The following HSF2BP variants were observed in gnomAD, a reference collection of about 807,000 sequenced individuals.
HSF2BP encodes the protein heat shock factor 2-binding protein.
A neutral mutation model predicts 35.0 loss-of-function variants in HSF2BP; 35 were observed. The ratio of observed to expected loss-of-function variants is 1.00; its 90% confidence interval spans 0.76 to 1.32. The LOEUF (loss-of-function observed/expected upper bound fraction) is 1.32. Ranked by LOEUF, HSF2BP falls within the 40% of genes most tolerant of loss-of-function variation. The pLI, the probability that HSF2BP is intolerant of heterozygous loss-of-function variation, is 0.00. For missense variants in HSF2BP, 326 were observed against 321.7 expected, an observed-to-expected ratio of 1.01 and a Z score of -0.10; for synonymous variants, 114 against 117.4, an observed-to-expected ratio of 0.97 and a Z score of 0.18.
rs1568945185 is a variant in HSF2BP at position 43,653,180 on chromosome 21, A to AG, written c.187+3406_187+3407insC. On this transcript the variant is annotated intron_variant, in intron 3 of 8. Transcript: ENST00000291560. ...GAGACACAGAGAGAGAGAGAGAGAG[A>AG]AAAGGGAAAGGAAGGGAAGGGGAAG... Among the ~76,000 whole-genome samples the AG allele has an allele frequency of 2.2e-3, 298 of 134,714 alleles. 3 individuals carry two copies. The Middle Eastern group carries it at 0.035, about 16-fold the overall frequency. 88.4% of individuals were successfully genotyped at this position (134,714 alleles called of 152,430 possible).
intron 8 of HSF2BP, among the ~76,000 whole-genome samples, chr21:43,574,575 T>C (rs1346181196): frequency 6.6e-6 from 1 of 152,166 alleles, no homozygotes; most frequent in Non-Finnish European, 1.5e-5. Context: ...GCCAGGATGG[T>C]CTCGATCTCC....
intron 6 of HSF2BP, among the ~76,000 whole-genome samples, chr21:43,615,478 G>A (rs965928369): frequency 2.0e-5 from 3 of 152,120 alleles, no homozygotes; most frequent in African/African-American, 7.2e-5. Context: ...TCAGATCTTT[G>A]ACATTACTAT....
At chr21:43,636,213 G>A (rs1237030013) in intron 4 of HSF2BP, among the ~76,000 whole-genome samples, 1 of 19,514 alleles carries the variant, frequency 5.1e-5, no homozygotes, top group Non-Finnish European at 7.9e-5. Flanking sequence ...AGAAAGAAAA[G>A]AAAAGAAAAG....
chr21:43,576,838 CTTA>C lies in HSF2BP; in HGVS notation c.796+15384_796+15386del, dbSNP rs751814966. Among the ~76,000 whole-genome samples, 303 of 152,272 alleles carry C rather than the reference CTTA, an allele frequency of 2.0e-3. 2 individuals carry two copies. The highest frequency in any genetic ancestry group is 7.4e-4 in the Non-Finnish European group (50 of 68,024). ...CAGACATCCTCAATTCCCAATTTCA[CTTA>C]TTATTAATAACAGCTATCATTATTA... On this transcript the variant is annotated intron_variant, in intron 8 of 8. Transcript: ENST00000291560.
At chr21:43,604,891 CCACACACAT>C (rs1291274395) in intron 7 of HSF2BP, among the ~76,000 whole-genome samples, 2 of 139,752 alleles carry the variant, frequency 1.4e-5, no homozygotes, top group African/African-American at 5.4e-5. Flanking sequence ...ACACTACACA[CCACACACAT>C]CACACACACA....
chr21:43,637,567 C>T (rs2147050160), intron 4 of HSF2BP, among the ~76,000 whole-genome samples: 1 of 151,838 alleles, frequency 6.6e-6, no homozygotes, highest in African/African-American at 2.4e-5. Flanking sequence ...TTTTAAGGAA[C>T]CAAGGTGGGA....
At chr21:43,640,034 G>C (rs939245610) in intron 4 of HSF2BP, among the ~76,000 whole-genome samples, 4 of 152,196 alleles carry the variant, frequency 2.6e-5, no homozygotes, top group African/African-American at 9.7e-5. Flanking sequence ...GGCACCCATG[G>C]CTCATGCCTG....
chr21:43,577,176 G>A (rs1223033088), intron 8 of HSF2BP, among the ~76,000 whole-genome samples: 1 of 152,122 alleles, frequency 6.6e-6, no homozygotes, highest in African/African-American at 2.4e-5. Flanking sequence ...TTTGCATTTG[G>A]TGTCTTCACA....
At chr21:43,637,807 G>GAAA (rs58493445) in intron 4 of HSF2BP, among the ~76,000 whole-genome samples, 4 of 144,616 alleles carry the variant, frequency 2.8e-5, no homozygotes, top group Admixed American at 2.1e-4. Context: ...CCTGTCTCTG[G>GAAA]AAAAAAAAAA....
chr21:43,591,356 C>G (rs1263135750), intron 8 of HSF2BP, among the ~76,000 whole-genome samples: 1 of 152,178 alleles, frequency 6.6e-6, no homozygotes, highest in African/African-American at 2.4e-5. Flanking sequence ...TGGGTCTTCT[C>G]TTTTATCTGA....
At chr21:43,606,739 C>T (rs2082139862) in intron 7 of HSF2BP, among the ~76,000 whole-genome samples, 1 of 152,136 alleles carries the variant, frequency 6.6e-6, no homozygotes, top group South Asian at 2.1e-4. Context: ...CAAGCCAGTA[C>T]TCAGTGAACA....
At chr21:43,606,088 A>T (rs950032521) in intron 7 of HSF2BP, among the ~76,000 whole-genome samples, 3 of 152,236 alleles carry the variant, frequency 2.0e-5, no homozygotes, top group Non-Finnish European at 4.4e-5. Context: ...AGAGCAGAGC[A>T]GGAAGTAAAG....
At chr21:43,572,761 C>T (rs957729498) in intron 8 of HSF2BP, among the ~76,000 whole-genome samples, 1 of 152,224 alleles carries the variant, frequency 6.6e-6, no homozygotes, top group African/African-American at 2.4e-5. Flanking sequence ...TCAGAGCCCT[C>T]TGAAACACAC....
intron 7 of HSF2BP, among the ~76,000 whole-genome samples, chr21:43,608,756 G>A (rs1415693836): frequency 6.6e-6 from 1 of 151,864 alleles, no homozygotes; most frequent in Non-Finnish European, 1.5e-5. Context: ...GAGTTCAGGA[G>A]TTCAAGACTA....
rs1161397397 is a variant in HSF2BP at position 43,597,054 on chromosome 21, G to A, written c.693-4726C>T. 6.6e-6 allele frequency among the ~76,000 whole-genome samples: 1 copy of A among 152,104 alleles called. No individual in the cohort carries two copies. The highest frequency in any genetic ancestry group is 2.4e-5 in the African/African-American group (1 of 41,396). ...AGGGTCACCAGGGTGGAAAGAAAGG[G>A]AAGAAGATACCTAGAAAGGAGGGTT... On this transcript the variant is annotated intron_variant, in intron 7 of 8. Coordinates refer to ENST00000291560, the MANE Select transcript of HSF2BP (RefSeq NM_007031.2). The surrounding 1 kb of genome is among the most constrained non-coding windows in gnomAD (Gnocchi z 4.3).
intron 8 of HSF2BP, among the ~76,000 whole-genome samples, chr21:43,576,168 T>C (rs975243639): frequency 2.0e-5 from 3 of 151,434 alleles, no homozygotes; most frequent in Non-Finnish European, 4.4e-5. Context: ...TTCAACAGTA[T>C]GTAATGATAT....
intron 8 of HSF2BP, among the ~76,000 whole-genome samples, chr21:43,589,522 AT>A (rs1369225160): frequency 6.6e-6 from 1 of 152,234 alleles, no homozygotes; most frequent in Admixed American, 6.5e-5. Context: ...TTTTAAATTC[AT>A]ATGGAAAGGC....
At chr21:43,586,808 A>AT (rs897747972) in intron 8 of HSF2BP, among the ~76,000 whole-genome samples, 51 of 146,780 alleles carry the variant, frequency 3.5e-4, no homozygotes, top group South Asian at 1.1e-3. Context: ...CCTCGATCTT[A>AT]TTTTTTTTTT....
intron 4 of HSF2BP, among the ~76,000 whole-genome samples, chr21:43,635,112 T>G (rs1047814210): frequency 7.3e-5 from 11 of 151,560 alleles, no homozygotes; most frequent in Admixed American, 6.6e-4. Context: ...AAGAAAATCA[T>G]AGCATTCCCA....
Sources: allele counts gnomAD v4.1 joint callset (sites outside exome capture counted in the v4.1 genomes callset), GRCh38; gene constraint gnomAD v4.1.1; non-coding constraint Gnocchi (gnomAD v3.1); transcripts MANE v1.5; gene names NCBI Gene and HGNC (gene_info 2026-07-23, HGNC 2026-07-21).